The following CLIC5 variants were observed in gnomAD, a reference collection of about 807,000 sequenced individuals.
The protein encoded by CLIC5 is CLIC family member 5.
Under a neutral mutation model 24.7 loss-of-function variants are expected in CLIC5, and 20 were observed. That is an observed-to-expected ratio of 0.81 (90% CI 0.57 to 1.18). CLIC5 has a LOEUF of 1.18. Ranked by LOEUF, CLIC5 falls within the 50% of genes most tolerant of loss-of-function variation. The probability of loss-of-function intolerance (pLI) is 0.00; values close to 1 mark genes in which losing one functional copy is unlikely to be tolerated. For missense variants in CLIC5, 341 were observed against 326.1 expected (o/e 1.05, Z -0.35); for synonymous variants, 159 against 135.6 (o/e 1.17, Z -1.20).
chr6:46,041,268 T>A (rs1472283575), intron 1 of CLIC5, among the ~76,000 whole-genome samples: 1 of 152,220 alleles, frequency 6.6e-6, no homozygotes, highest in Non-Finnish European at 1.5e-5. Context: ...TTTTTCTTTA[T>A]ATTTCCAAAA....
chr6:46,109,094 T>C, the CLIC5 span, among the ~76,000 whole-genome samples: 1 of 152,216 alleles, frequency 6.6e-6, no homozygotes, highest in South Asian at 2.1e-4. Flanking sequence ...ATTATTACAT[T>C]AAATTGTTGT....
intron 3 of CLIC5, among the ~76,000 whole-genome samples, chr6:45,944,236 A>ACTGTTT (rs1218723437): frequency 2.6e-5 from 4 of 152,190 alleles, no homozygotes; most frequent in Non-Finnish European, 5.9e-5. Flanking sequence ...AAAGGAGGAT[A>ACTGTTT]CTGTTTTGTG....
intron 5 of CLIC5, among the ~76,000 whole-genome samples, chr6:45,904,417 T>C (rs1352217708): frequency 2.0e-5 from 3 of 151,846 alleles, no homozygotes; most frequent in Non-Finnish European, 4.4e-5. Context: ...CATGGACCTG[T>C]GACCTGTGCA....
chr6:46,095,859 G>C, the CLIC5 span, among the ~76,000 whole-genome samples: 4 of 151,412 alleles, frequency 2.6e-5, no homozygotes, highest in Non-Finnish European at 5.9e-5. Context: ...TTCTGTATTA[G>C]TCTGTACTAA....
intron 1 of CLIC5, among the ~76,000 whole-genome samples, chr6:45,968,915 G>A (rs1765103137): frequency 6.6e-6 from 1 of 152,158 alleles, no homozygotes; most frequent in Non-Finnish European, 1.5e-5. Flanking sequence ...TCCAGACCTA[G>A]TTTTGGCACA....
the CLIC5 span, among the ~76,000 whole-genome samples, chr6:46,092,804 T>C: frequency 6.6e-6 from 1 of 152,352 alleles, no homozygotes; most frequent in East Asian, 1.9e-4. Context: ...TTAATAATCA[T>C]AGCACATTGT....
chr6:45,910,452 T>C (rs755922966), intron 5 of CLIC5, among the ~76,000 whole-genome samples: 8 of 152,196 alleles, frequency 5.3e-5, no homozygotes, highest in African/African-American at 1.9e-4. Context: ...TCAAGTGTAA[T>C]AAAATAATTT....
chr6:45,890,733 T>TA (rs960926456), intron 6 of CLIC5, among the ~76,000 whole-genome samples: 9 of 152,068 alleles, frequency 5.9e-5, no homozygotes, highest in African/African-American at 1.9e-4. Flanking sequence ...CATTCAGCCT[T>TA]AAAAAAACAA....
Position 46,015,725 on chromosome 6 carries a change from T to C in CLIC5, c.-183A>G, listed in dbSNP as rs1052521563. The C allele has an allele frequency of 9.6e-6, 12 of 1,250,314 alleles. No homozygotes were observed. The Admixed American group carries it at 1.7e-4, about 17-fold the overall frequency. The allele number at this position is 1,250,314 out of a possible 1,614,324, so 77.5% of individuals were successfully genotyped here. On this transcript the variant is annotated 5_prime_UTR_variant, in exon 1 of 6. Transcript: ENST00000339561. ...GGGTCTGAGAGATCAGTGTCCCAGATGCTCACATGAAAAGGAGCGAAGCCG... is the reference window on the plus strand; with the variant it reads ...GGGTCTGAGAGATCAGTGTCCCAGACGCTCACATGAAAAGGAGCGAAGCCG...
At chr6:45,983,035 A>G (rs1186590583) in intron 1 of CLIC5, among the ~76,000 whole-genome samples, 1 of 152,230 alleles carries the variant, frequency 6.6e-6, no homozygotes, top group East Asian at 1.9e-4. Context: ...TGCACAGGGA[A>G]AAGGCCACAA....
chr6:46,027,214 C>A (rs181776462), intron 1 of CLIC5, among the ~76,000 whole-genome samples: 49 of 152,294 alleles, frequency 3.2e-4, no homozygotes, highest in African/African-American at 1.1e-3. Flanking sequence ...TAGAGAATCA[C>A]AGTGAAGGGG....
chr6:45,901,242 C>G lies in CLIC5; in HGVS notation c.*1846G>C, dbSNP rs9968890. 1 of 152,110 alleles carries G rather than the reference C, an allele frequency of 6.6e-6. No homozygotes were observed. The highest frequency in any genetic ancestry group is 2.4e-5 in the African/African-American group (1 of 41,410). 9.4% of individuals were successfully genotyped at this position (152,110 alleles called of 1,614,324 possible). ...TCCAGGGCACAATTTCCAGGGGGAC[C>G]TGGAAAGGTTCCTTTTGAGGTGGAA... On this transcript the variant is annotated 3_prime_UTR_variant, in exon 6 of 6. Transcript: ENST00000339561.
In CLIC5 at chr6:45,948,022, A is replaced by G. The variant is rs537436787; in HGVS notation, c.299+1234T>C. Among the ~76,000 whole-genome samples, 6 of 152,338 alleles carry G rather than the reference A, an allele frequency of 3.9e-5. No individual in the cohort carries two copies. In the South Asian group the frequency reaches 1.2e-3, roughly 32 times the overall value. ...TGGCAGTTTTAATTTTTTAACAGCA[A>G]TTCACTAGATGTGCAACCTTGGGTA... On this transcript the variant is annotated intron_variant, in intron 3 of 5. Transcript: ENST00000339561.
the CLIC5 span, chr6:46,097,224 G>C: frequency 6.6e-6 from 1 of 152,146 alleles, no homozygotes; most frequent in African/African-American, 2.4e-5. Flanking sequence ...ATGAATGGAT[G>C]GATGGATGAC....
At chr6:45,889,716 T>A (rs987586557) in intron 6 of CLIC5, among the ~76,000 whole-genome samples, 3 of 152,210 alleles carry the variant, frequency 2.0e-5, no homozygotes, top group Admixed American at 6.5e-5. Flanking sequence ...ATACATTTCC[T>A]ATTTAAAATA....
intron 5 of CLIC5, among the ~76,000 whole-genome samples, chr6:45,913,260 T>G (rs1762885834): frequency 6.6e-6 from 1 of 152,112 alleles, no homozygotes; most frequent in Non-Finnish European, 1.5e-5. Context: ...ATGCGTAAAA[T>G]AGAGCACAGT....
the CLIC5 span, among the ~76,000 whole-genome samples, chr6:46,095,440 G>A: frequency 6.6e-6 from 1 of 152,096 alleles, no homozygotes; most frequent in Non-Finnish European, 1.5e-5. Context: ...TCATGTATAT[G>A]AACATAAGTT....
Position 45,920,695 on chromosome 6 carries a change from A to T in CLIC5, c.407-6286T>A, listed in dbSNP as rs540502084. 32 of 976,918 alleles carry T rather than the reference A, an allele frequency of 3.3e-5. 1 individual carries two copies. In the East Asian group the frequency reaches 3.3e-3, roughly 101 times the overall value. 60.5% of individuals were successfully genotyped at this position (976,918 alleles called of 1,614,324 possible). ...GCCTTTCTTTCCACAGGCAGCTAGGACAAGAGGAAGAGACACTGAGAGAGA... is the reference window on the plus strand; with the variant it reads ...GCCTTTCTTTCCACAGGCAGCTAGGTCAAGAGGAAGAGACACTGAGAGAGA... On this transcript the variant is annotated intron_variant, in intron 4 of 5. Coordinates refer to ENST00000339561, the MANE Select transcript of CLIC5 (RefSeq NM_016929.5).
intron 1 of CLIC5, among the ~76,000 whole-genome samples, chr6:46,009,520 C>G (rs1438999247): frequency 6.6e-6 from 1 of 152,132 alleles, no homozygotes; most frequent in Admixed American, 6.5e-5. Flanking sequence ...CACTTTGCAT[C>G]TTTACTATCT....
Sources: gnomAD v4.1 joint callset for allele counts (sites outside exome capture counted in the v4.1 genomes callset) on GRCh38, gnomAD v4.1.1 for gene constraint, MANE v1.5 for transcripts, NCBI Gene and HGNC (gene_info 2026-07-23, HGNC 2026-07-21) for gene names.